Variants in MYH11 observed in about 807,000 individuals in gnomAD.
MYH11 encodes myosin-11.
Under a neutral mutation model 246.6 loss-of-function variants are expected in MYH11, and 80 were observed. The ratio of observed to expected loss-of-function variants is 0.32; its 90% CI spans 0.27 to 0.39. The LOEUF (loss-of-function observed/expected upper bound fraction) is 0.39, where lower values mean the gene tolerates loss of function less well. Ranked by LOEUF, MYH11 falls within the 10% of genes least tolerant of loss-of-function variation. The probability of loss-of-function intolerance (pLI) is 1.00; values close to 1 mark genes in which losing one functional copy is unlikely to be tolerated. For missense variants in MYH11, 2,158 were observed against 2,546.8 expected (o/e 0.85, Z 3.29); for synonymous variants, 1,071 against 1,015.5 (o/e 1.05, Z -1.04).
intron 4 of MYH11, among the ~76,000 whole-genome samples, chr16:15,787,383 G>A (rs2042495435): frequency 6.6e-6 from 1 of 151,960 alleles, no homozygotes; most frequent in South Asian, 2.1e-4. Flanking sequence ...ACTCCAGCCT[G>A]GGTGACAGAG....
chr16:15,800,812 T>C (rs2042867131), intron 3 of MYH11, among the ~76,000 whole-genome samples: 2 of 152,124 alleles, frequency 1.3e-5, no homozygotes, highest in South Asian at 4.2e-4. Flanking sequence ...TATAGATGGA[T>C]GTTTGGGTGG....
At chr16:15,757,756 ACGT>A in intron 13 of MYH11, 68 bp downstream of exon 13, 1 of 1,596,338 alleles carries the variant, frequency 6.3e-7, no homozygotes, top group East Asian at 2.2e-5. Flanking sequence ...TGTGGGGTCC[ACGT>A]CGGCTCCACA....
chr16:15,800,431 G>A (rs2042854772), intron 3 of MYH11, among the ~76,000 whole-genome samples: 2 of 151,770 alleles, frequency 1.3e-5, no homozygotes, highest in South Asian at 2.1e-4. Flanking sequence ...TAGATAGGAA[G>A]AAAGAAAGAA....
chr16:15,751,693 A>G (rs1055836037), intron 15 of MYH11, among the ~76,000 whole-genome samples: 3 of 147,372 alleles, frequency 2.0e-5, no homozygotes, highest in South Asian at 4.4e-4. Context: ...GCTCACTGCA[A>G]CCTTCACCAC....
At chr16:15,834,293 G>T (rs757970456) in intron 2 of MYH11, among the ~76,000 whole-genome samples, 1 of 151,994 alleles carries the variant, frequency 6.6e-6, no homozygotes, top group Admixed American at 6.6e-5. Context: ...TTGGGAGGCC[G>T]AGGCAAGTGG....
In MYH11 at chr16:15,703,577, A is replaced by C. The variant is rs2039297866; in HGVS notation, c.*414T>G. The C allele has an allele frequency of 2.9e-6, 1 of 350,352 alleles. No homozygotes were observed. The highest frequency in any genetic ancestry group is 4.4e-5 in the Admixed American group (1 of 22,636). 21.7% of individuals were successfully genotyped at this position (350,352 alleles called of 1,614,324 possible). A position where few individuals can be genotyped will look rare whatever the true frequency, so the allele number is the denominator to read the frequency against. On this transcript the variant is annotated 3_prime_UTR_variant, in exon 41 of 41. Transcript: ENST00000300036. ...AAACTTCAATTTTTACCTTGAATACAGGGGTAGTAGGGGTGGTGGTGGTGG... is the reference window on the plus strand; with the variant it reads ...AAACTTCAATTTTTACCTTGAATACCGGGGTAGTAGGGGTGGTGGTGGTGG...
chr16:15,793,304 T>C (rs1419646902), intron 4 of MYH11, among the ~76,000 whole-genome samples: 2 of 152,032 alleles, frequency 1.3e-5, no homozygotes, highest in East Asian at 3.9e-4. Context: ...TTCCTTTCCT[T>C]CCTTCCTGTC....
chr16:15,716,505 GTTT>G (rs1015020513), intron 38 of MYH11, among the ~76,000 whole-genome samples: 65 of 151,946 alleles, frequency 4.3e-4, no homozygotes, highest in African/African-American at 1.5e-3. Flanking sequence ...TTGGACTTTT[GTTT>G]TTTGGGGTTT....
At chr16:15,793,794 G>T (rs1271001881) in intron 4 of MYH11, among the ~76,000 whole-genome samples, 3 of 146,028 alleles carry the variant, frequency 2.1e-5, no homozygotes, top group Non-Finnish European at 4.5e-5. Context: ...TAATTTTTTT[G>T]TATTTTTTTT....
intron 9 of MYH11, among the ~76,000 whole-genome samples, chr16:15,769,997 G>C (rs2042063850): frequency 6.6e-6 from 1 of 152,088 alleles, no homozygotes; most frequent in Admixed American, 6.6e-5. Flanking sequence ...AAACTATACT[G>C]AACAGTGTAG....
chr16:15,773,383 C>T (rs1220026291), intron 8 of MYH11, among the ~76,000 whole-genome samples: 3 of 151,006 alleles, frequency 2.0e-5, no homozygotes, highest in Non-Finnish European at 4.4e-5. Flanking sequence ...CTCTGCCTCC[C>T]GGATTCAAGC....
chr16:15,775,407 TGCTCATTGGTTTATGTGTTGCCTGA>T (rs1567750844), intron 8 of MYH11, among the ~76,000 whole-genome samples: 2 of 146,392 alleles, frequency 1.4e-5, no homozygotes, highest in Admixed American at 6.6e-5. Context: ...GTACTGCCTG[TGCTCATTGGTTTATGTGTTGCCTGA>T]GCTCACTGGT....
At chr16:15,742,144 C>T (rs1417501903) in intron 20 of MYH11, 5 of 586,772 alleles carry the variant, frequency 8.5e-6, no homozygotes, top group African/African-American at 3.7e-5. Flanking sequence ...AATTAGTCAC[C>T]CCAAAATATC....
At chr16:15,800,936 T>C (rs2042870677) in intron 3 of MYH11, among the ~76,000 whole-genome samples, 1 of 152,158 alleles carries the variant, frequency 6.6e-6, no homozygotes, top group African/African-American at 2.4e-5. Flanking sequence ...CCGGGCGCAG[T>C]GGCTCATGCC....
At chr16:15,777,351 C>A (rs1196841635) in intron 7 of MYH11, among the ~76,000 whole-genome samples, 1 of 152,126 alleles carries the variant, frequency 6.6e-6, no homozygotes, top group Non-Finnish European at 1.5e-5. Flanking sequence ...GAACTCCTGA[C>A]CTCAAGTGGT....
At chr16:15,760,451 G>C in intron 11 of MYH11, 89 bp downstream of exon 11, 1 of 1,019,848 alleles carries the variant, frequency 9.8e-7, no homozygotes, top group Non-Finnish European at 1.6e-6. Flanking sequence ...ATGGATTAAT[G>C]AATACATGAA....
intron 2 of MYH11, among the ~76,000 whole-genome samples, chr16:15,835,445 G>T (rs1441075491): frequency 6.6e-6 from 1 of 152,180 alleles, no homozygotes; most frequent in Non-Finnish European, 1.5e-5. Context: ...CTCTCCAAGT[G>T]TTCCATAGTG....
chr16:15,838,663 C>A (rs1374935825), intron 1 of MYH11, among the ~76,000 whole-genome samples: 3 of 152,058 alleles, frequency 2.0e-5, no homozygotes, highest in Non-Finnish European at 4.4e-5. Flanking sequence ...AGTTCAAGAC[C>A]AGCCTGGCCA....
At chr16:15,732,843 T>A (rs529603131) in intron 26 of MYH11, 135 bp from the exon 27 acceptor site, 1 of 1,138,584 alleles carries the variant, frequency 8.8e-7, no homozygotes, top group South Asian at 1.3e-5. Context: ...CTGTGTGACC[T>A]TGGGTCATTC....
Sources: allele counts gnomAD v4.1 joint callset (sites outside exome capture counted in the v4.1 genomes callset), GRCh38; gene constraint gnomAD v4.1.1; transcripts MANE v1.5; gene names NCBI Gene and HGNC (gene_info 2026-07-23, HGNC 2026-07-21).